The following SMYD3 variants were observed in gnomAD, a reference collection of about 807,000 sequenced individuals.
SMYD3 encodes SET and MYND domain containing 3, also known as histone-lysine N-methyltransferase SMYD3.
Under a neutral mutation model 57.7 loss-of-function variants are expected in SMYD3, and 36 were observed. The ratio of observed to expected loss-of-function variants is 0.62; its 90% confidence interval spans 0.48 to 0.82. SMYD3 has a LOEUF of 0.82. Among genes scored for constraint, SMYD3 ranks in the 40% least tolerant of loss-of-function variants. The pLI is 0.00. For synonymous variants in SMYD3, 211 were observed against 195.0 expected (o/e 1.08, Z -0.68); for missense variants, 515 against 538.8 (o/e 0.96, Z 0.44).
Position 245,900,369 on chromosome 1 carries a change from T to G in SMYD3, c.813+15161A>C, listed in dbSNP as rs370330125. Among the ~76,000 whole-genome samples the G allele has an allele frequency of 6.6e-5, 10 of 152,362 alleles. No individual in the cohort carries two copies. The East Asian group carries it at 1.5e-3, about 24-fold the overall frequency. On this transcript the variant is annotated intron_variant, in intron 8 of 11. Coordinates refer to ENST00000490107, the MANE Select transcript of SMYD3 (RefSeq NM_001167740.2). ...TTTTGAGCAATAAAGTGTAGGTAGA[T>G]ATCCTTAGGAGGTCTTCCCTTTGCT... is the stretch of plus-strand genomic sequence containing the variant.
Position 246,292,941 on chromosome 1 carries a change from A to G in SMYD3, c.531+34260T>C, listed in dbSNP as rs147590853. On this transcript the variant is annotated intron_variant, in intron 5 of 11. Transcript: ENST00000490107. Reference sequence around the variant, plus strand: ...AAGTATTAAGACTGAAAACTGAAACATGGGTTGGGAAAAATTGCTGATGAA... The same window carrying G: ...AAGTATTAAGACTGAAAACTGAAACGTGGGTTGGGAAAAATTGCTGATGAA... Among the ~76,000 whole-genome samples the G allele has an allele frequency of 1.2e-4, 19 of 152,254 alleles. 1 individual carries two copies. Among genetic ancestry groups the G allele is most frequent in the African/African-American group, 4.3e-4 (18 of 41,538 alleles).
At chr1:246,439,281 C>CCTGG (rs2103017614) in intron 1 of SMYD3, among the ~76,000 whole-genome samples, 1 of 152,196 alleles carries the variant, frequency 6.6e-6, no homozygotes, top group Admixed American at 6.5e-5. Flanking sequence ...TGAATCCAAG[C>CCTGG]CTGGCTGCAT....
intron 10 of SMYD3, among the ~76,000 whole-genome samples, chr1:245,776,806 C>T (rs933745866): frequency 3.3e-5 from 5 of 152,166 alleles, no homozygotes; most frequent in Non-Finnish European, 4.4e-5. Context: ...GAAAGTGAGG[C>T]GATAGCAGAG....
intron 10 of SMYD3, among the ~76,000 whole-genome samples, chr1:245,789,227 A>G (rs764994646): frequency 6.6e-5 from 10 of 152,208 alleles, no homozygotes; most frequent in Non-Finnish European, 1.5e-4. Context: ...AAGTCCTTTC[A>G]GAGAGACTTT....
chr1:246,416,500 T>C (rs2067062823), intron 1 of SMYD3, among the ~76,000 whole-genome samples: 1 of 150,210 alleles, frequency 6.7e-6, no homozygotes, highest in African/African-American at 2.5e-5. Flanking sequence ...GAAATTACTA[T>C]TCATCAGCAT....
At chr1:246,464,189 ATG>A (rs2067850236) in intron 1 of SMYD3, among the ~76,000 whole-genome samples, 1 of 152,132 alleles carries the variant, frequency 6.6e-6, no homozygotes. Context: ...GCTGATGGGA[ATG>A]TGTCAGTAGA....
chr1:246,030,531 T>A (rs1048341944), intron 5 of SMYD3, among the ~76,000 whole-genome samples: 1 of 152,078 alleles, frequency 6.6e-6, no homozygotes, highest in Non-Finnish European at 1.5e-5. Flanking sequence ...CTGTATTATA[T>A]TTTTCAAAAA....
chr1:245,808,865 C>T (rs7526494), intron 10 of SMYD3, among the ~76,000 whole-genome samples: 298 of 152,164 alleles, frequency 2.0e-3, no homozygotes, highest in Non-Finnish European at 2.5e-3. Context: ...TGGGTTCAAG[C>T]GATTCTCGTG....
At chr1:246,305,269 T>C (rs1205426654) in intron 5 of SMYD3, among the ~76,000 whole-genome samples, 1 of 152,192 alleles carries the variant, frequency 6.6e-6, no homozygotes, top group Non-Finnish European at 1.5e-5. Context: ...TACAAGAAGA[T>C]ACAGAATCGC....
intron 8 of SMYD3, among the ~76,000 whole-genome samples, chr1:245,872,197 A>C (rs2148518955): frequency 6.6e-6 from 1 of 152,382 alleles, no homozygotes; most frequent in Non-Finnish European, 1.5e-5. Flanking sequence ...CAGGTGAAGT[A>C]AAATTGGCTT....
At chr1:245,959,124 AAAAC>A (rs146754978) in intron 5 of SMYD3, among the ~76,000 whole-genome samples, 98 of 125,476 alleles carry the variant, frequency 7.8e-4, no homozygotes, top group African/African-American at 1.9e-3. Flanking sequence ...AGTTTCTCAA[AAAAC>A]AAACAAACAA....
intron 5 of SMYD3, among the ~76,000 whole-genome samples, chr1:246,060,052 G>A (rs971930177): frequency 6.6e-6 from 1 of 152,098 alleles, no homozygotes; most frequent in Non-Finnish European, 1.5e-5. Flanking sequence ...TTAGGAGGCC[G>A]AAGTGGAAGG....
At chr1:246,327,179 A>G (rs1441859886) in intron 5 of SMYD3, 22 bp downstream of exon 5, 2 of 1,613,330 alleles carry the variant, frequency 1.2e-6, no homozygotes, top group Admixed American at 1.7e-5. Flanking sequence ...TGGAATTAGC[A>G]AAGAGCAAAC....
chr1:246,374,600 G>A (rs190199182), intron 1 of SMYD3, among the ~76,000 whole-genome samples: 37 of 152,212 alleles, frequency 2.4e-4, no homozygotes, highest in African/African-American at 8.9e-4. Context: ...GAAAATGCAT[G>A]TTTTAGATAA....
At chr1:246,497,755 A>T (rs559729938) in intron 1 of SMYD3, among the ~76,000 whole-genome samples, 1 of 152,266 alleles carries the variant, frequency 6.6e-6, no homozygotes, top group South Asian at 2.1e-4. Context: ...TGCTCAGAAA[A>T]TTCTGGAGGC....
At chr1:246,330,562 C>T in intron 3 of SMYD3, 25 bp from the exon 4 acceptor site, 1 of 1,570,332 alleles carries the variant, frequency 6.4e-7, no homozygotes, top group Non-Finnish European at 8.6e-7. Context: ...GGGAAAACGC[C>T]AATAACAATT....
chr1:245,798,774 C>G (rs2047713091), intron 10 of SMYD3, among the ~76,000 whole-genome samples: 1 of 152,082 alleles, frequency 6.6e-6, no homozygotes, highest in Non-Finnish European at 1.5e-5. Flanking sequence ...TTGTTTGAAT[C>G]TCTTCAGATC....
intron 10 of SMYD3, among the ~76,000 whole-genome samples, chr1:245,821,290 T>C (rs1420110238): frequency 2.0e-5 from 3 of 149,796 alleles, no homozygotes; most frequent in African/African-American, 7.3e-5. Flanking sequence ...AAAGAAGCAA[T>C]GGGGAAAGGA....
At chr1:245,892,011 C>T (rs9662381) in intron 8 of SMYD3, among the ~76,000 whole-genome samples, 151,895 of 152,282 alleles carry the variant, frequency 1, 75,759 homozygotes, top group Middle Eastern at 1. Flanking sequence ...TCAGCCTGGG[C>T]GAAAGAGTGA....
Sources: gnomAD v4.1 joint callset for allele counts (sites outside exome capture counted in the v4.1 genomes callset) on GRCh38, gnomAD v4.1.1 for gene constraint, MANE v1.5 for transcripts, NCBI Gene and HGNC (gene_info 2026-07-23, HGNC 2026-07-21) for gene names.